WDR49: variants seen among roughly 807,000 people sequenced by gnomAD.
WDR49 encodes the protein WD repeat domain 49, also known as cilia- and flagella-associated protein 337.
Under a neutral mutation model 119.5 loss-of-function variants are expected in WDR49, and 107 were observed. That is an observed-to-expected ratio of 0.90 (90% CI 0.77 to 1.05). WDR49 has a LOEUF of 1.05. Among genes scored for constraint, WDR49 ranks in the 50% least tolerant of loss-of-function variants. WDR49 has a pLI of 0.00. For synonymous variants in WDR49, 425 were observed against 418.8 expected, an observed-to-expected ratio of 1.01 and a Z score of -0.18; for missense variants, 1,240 against 1,220.5, an observed-to-expected ratio of 1.02 and a Z score of -0.24.
chr3:167,621,522 T>C lies in WDR49; in HGVS notation c.728A>G (p.Tyr243Cys), dbSNP rs1168094147. The C allele has an allele frequency of 2.0e-6, 3 of 1,535,492 alleles. No individual in the cohort carries two copies. Among genetic ancestry groups the C allele is most frequent in the Non-Finnish European group, 2.6e-6 (3 of 1,146,464 alleles). The change falls in exon 4 of 19, where the codon TAT (tyrosine) becomes TGT (cysteine). Residue 243 changes from tyrosine to cysteine, a missense_variant. Coordinates refer to ENST00000682715, the MANE Select transcript of WDR49 (RefSeq NM_001366157.1). ...TGATTCATTGGCATCAAGAGGATCATACCAATAATCCATGCAAATTGGTGT... is the reference window on the plus strand; with the variant it reads ...TGATTCATTGGCATCAAGAGGATCACACCAATAATCCATGCAAATTGGTGT... ...KGTPICMDYWYDPLDANESIL... is the reference protein window; with the variant it reads ...KGTPICMDYWCDPLDANESIL...
chr3:167,483,022 A>C (rs2108188774), intron 18 of WDR49, among the ~76,000 whole-genome samples: 1 of 152,308 alleles, frequency 6.6e-6, no homozygotes, highest in Admixed American at 6.5e-5. Context: ...GTGTGGTAGA[A>C]GGGGGGTAGG....
chr3:167,544,590 G>A (rs1712050575), intron 10 of WDR49, among the ~76,000 whole-genome samples: 1 of 152,080 alleles, frequency 6.6e-6, no homozygotes, highest in African/African-American at 2.4e-5. Context: ...AGCATAAAGT[G>A]GGTAAAGGAC....
chr3:167,542,723 C>T (rs1711919200), intron 10 of WDR49, among the ~76,000 whole-genome samples: 1 of 151,430 alleles, frequency 6.6e-6, no homozygotes, highest in African/African-American at 2.4e-5. Context: ...AGTCATACAT[C>T]AAGGAACTAG....
intron 3 of WDR49, among the ~76,000 whole-genome samples, chr3:167,622,451 T>A (rs1247274597): frequency 6.6e-6 from 1 of 152,160 alleles, no homozygotes; most frequent in Non-Finnish European, 1.5e-5. Flanking sequence ...ATGCATAAAT[T>A]ATTAAAATCA....
At chr3:167,635,958 T>TA (rs970138859) in intron 2 of WDR49, among the ~76,000 whole-genome samples, 4 of 151,420 alleles carry the variant, frequency 2.6e-5, no homozygotes, top group South Asian at 2.1e-4. Context: ...ACCACTAAAT[T>TA]AAAAAAATTT....
chr3:167,550,388 T>C (rs995302663), intron 10 of WDR49, among the ~76,000 whole-genome samples: 1 of 152,086 alleles, frequency 6.6e-6, no homozygotes, highest in East Asian at 1.9e-4. Flanking sequence ...GGTTTGTAGT[T>C]CTCCTTGAAG....
At chr3:167,491,577 T>C (rs927081965) in intron 18 of WDR49, among the ~76,000 whole-genome samples, 2 of 152,140 alleles carry the variant, frequency 1.3e-5, no homozygotes, top group Non-Finnish European at 2.9e-5. Flanking sequence ...CTTTAATTGT[T>C]TCGTACATTT....
chr3:167,511,493 T>A (rs575074257), intron 16 of WDR49, among the ~76,000 whole-genome samples: 79 of 152,274 alleles, frequency 5.2e-4, no homozygotes, highest in African/African-American at 1.9e-3. Context: ...ACAACAAAGC[T>A]CCAGTTTTAA....
chr3:167,651,129 A>C (rs997248963), intron 2 of WDR49, among the ~76,000 whole-genome samples: 2 of 152,192 alleles, frequency 1.3e-5, no homozygotes, highest in African/African-American at 4.8e-5. Flanking sequence ...TGCATAATTC[A>C]AAGACCCAAC....
In WDR49 at chr3:167,505,864, G is replaced by C. The variant is rs1263216196; in HGVS notation, c.2775-448C>G. Among the ~76,000 whole-genome samples, 4 of 152,264 alleles carry C rather than the reference G, an allele frequency of 2.6e-5. No homozygotes were observed. The East Asian group carries it at 7.7e-4, about 29-fold the overall frequency. ...TGCAAAGAAGTTCAGTATTTCTGAGGCTTTCTCATATGAATCTATAAGAAA... is the reference window on the plus strand; with the variant it reads ...TGCAAAGAAGTTCAGTATTTCTGAGCCTTTCTCATATGAATCTATAAGAAA... On this transcript the variant is annotated intron_variant, in intron 16 of 18. Transcript: ENST00000682715.
chr3:167,633,116 T>A (rs1717448331), intron 2 of WDR49, among the ~76,000 whole-genome samples: 1 of 151,640 alleles, frequency 6.6e-6, no homozygotes, highest in African/African-American at 2.4e-5. Flanking sequence ...TGTGTGTGTG[T>A]GTGTAAGGTT....
intron 2 of WDR49, among the ~76,000 whole-genome samples, chr3:167,639,843 T>C (rs116424213): frequency 0.012 from 1,880 of 151,792 alleles, 32 homozygotes; most frequent in African/African-American, 0.043. Flanking sequence ...AAACACAGCA[T>C]TGGAAAAGCA....
At chr3:167,655,168 A>G (rs992401806), upstream of WDR49, among the ~76,000 whole-genome samples, 2 of 152,196 alleles carry the variant, frequency 1.3e-5, no homozygotes, top group Non-Finnish European at 2.9e-5. Flanking sequence ...GCAAGACAGC[A>G]TGTGCAGGGT....
At chr3:167,598,088 C>T (rs1715575578) in intron 7 of WDR49, among the ~76,000 whole-genome samples, 2 of 152,096 alleles carry the variant, frequency 1.3e-5, no homozygotes, top group East Asian at 1.9e-4. Flanking sequence ...GGGCAGATCA[C>T]GAGGACAGGA....
intron 2 of WDR49, among the ~76,000 whole-genome samples, chr3:167,638,847 G>T (rs143762213): frequency 6.6e-6 from 1 of 151,688 alleles, no homozygotes; most frequent in African/African-American, 2.4e-5. Context: ...GACCTTGACT[G>T]AATTTAAGGT....
At chr3:167,600,430 G>A (rs1715706628) in intron 7 of WDR49, among the ~76,000 whole-genome samples, 1 of 152,166 alleles carries the variant, frequency 6.6e-6, no homozygotes, top group South Asian at 2.1e-4. Context: ...ACCCTCTTTG[G>A]TGATCCTTTC....
At chr3:167,486,612 C>A (rs1223788171) in intron 18 of WDR49, among the ~76,000 whole-genome samples, 1 of 152,048 alleles carries the variant, frequency 6.6e-6, no homozygotes, top group African/African-American at 2.4e-5. Flanking sequence ...ATTCTTAAAT[C>A]AGATAAAACA....
chr3:167,528,361 T>C (rs1204413494), intron 14 of WDR49, among the ~76,000 whole-genome samples: 2 of 151,766 alleles, frequency 1.3e-5, no homozygotes, highest in Admixed American at 1.3e-4. Flanking sequence ...ATTGAGCAGG[T>C]AATCAGTGAT....
intron 14 of WDR49, among the ~76,000 whole-genome samples, chr3:167,528,533 A>AAAATT: frequency 7.1e-6 from 1 of 141,460 alleles, no homozygotes; most frequent in South Asian, 2.3e-4. Context: ...TAAAATAAAT[A>AAAATT]AAATAAAATA....
Sources: gnomAD v4.1 joint callset for allele counts (sites outside exome capture counted in the v4.1 genomes callset) on GRCh38, gnomAD v4.1.1 for gene constraint, MANE v1.5 for transcripts, NCBI Gene and HGNC (gene_info 2026-07-23, HGNC 2026-07-21) for gene names.